Variants in NFKBIE observed in about 807,000 individuals in gnomAD.
The protein encoded by NFKBIE is NFKB inhibitor epsilon, also known as NF-kappa-B inhibitor epsilon.
In NFKBIE, 11 loss-of-function variants were observed where a neutral mutation model predicts 31.6. That is an observed-to-expected ratio of 0.35 (90% CI 0.22 to 0.58). NFKBIE has a LOEUF of 0.58. Among genes scored for constraint, NFKBIE ranks in the 20% least tolerant of loss-of-function variants. The pLI is 0.83. For missense variants in NFKBIE, 354 were observed against 465.7 expected (o/e 0.76, Z 2.21); for synonymous variants, 208 against 210.1 (o/e 0.99, Z 0.09).
Position 44,265,351 on chromosome 6 carries a change from G to C in NFKBIE, c.-5C>G. The stretch of plus-strand genomic sequence containing the variant: ...CCCCTTCCGCGCCTCCGACATGCCC[G>C]CGGCTCTGGCCGGCCGGGGCCCGGT... On this transcript the variant is annotated 5_prime_UTR_variant, in exon 1 of 6. Coordinates refer to ENST00000619360, the MANE Select transcript of NFKBIE (RefSeq NM_004556.3). 6.4e-7 allele frequency: 1 copy of C among 1,557,902 alleles called. No individual in the cohort carries two copies. The highest frequency in any genetic ancestry group is 8.6e-7 in the Non-Finnish European group (1 of 1,157,614).
At chr6:44,259,993 C>T (rs756732921) in intron 5 of NFKBIE, 50 bp downstream of exon 5, 8 of 1,585,288 alleles carry the variant, frequency 5.0e-6, no homozygotes, top group Non-Finnish European at 6.9e-6. Context: ...CAGAACCTCT[C>T]TCTGCTATGG....
chr6:44,259,966 G>A, intron 5 of NFKBIE, 77 bp downstream of exon 5: 2 of 1,552,828 alleles, frequency 1.3e-6, no homozygotes, highest in South Asian at 1.2e-5. Flanking sequence ...TGGCTCCCTG[G>A]CCCTTTCAGC....
chr6:44,265,337 C>T lies in NFKBIE; in HGVS notation c.10G>A (p.Ala4Thr), dbSNP rs1167696526. ...TCCGCCTCGTCCGGCCCCTTCCGCG[C>T]CTCCGACATGCCCGCGGCTCTGGCC... MSE[A>T]RKGPDEAEES... Residue 4 changes from alanine (A) to threonine (T), a missense_variant, in exon 1 of 6, where the codon GCG becomes ACG. Ala to Thr is a moderately conservative substitution (Grantham distance 58). Transcript: ENST00000619360. 2 of 1,555,248 alleles carry T rather than the reference C, an allele frequency of 1.3e-6. No individual in the cohort carries two copies. Among genetic ancestry groups the T allele is most frequent in the Non-Finnish European group, 1.7e-6 (2 of 1,155,472 alleles).
At chr6:44,262,760 C>G (rs371689753) in intron 1 of NFKBIE, 98 bp from the exon 2 acceptor site, 5 of 884,470 alleles carry the variant, frequency 5.7e-6, no homozygotes, top group African/African-American at 1.7e-5. Flanking sequence ...CTTTAACTAG[C>G]TACCCATAGG....
In NFKBIE at chr6:44,265,451, C is replaced by G. The variant is rs749015957; in HGVS notation, c.-105G>C. Reference sequence around the variant, plus strand: ...GGGTCCGCTTGGCAGAGCGGGCGCCCGGCCCGCGGCGGCCTCCTTCCCGGG... The same window carrying G: ...GGGTCCGCTTGGCAGAGCGGGCGCCGGGCCCGCGGCGGCCTCCTTCCCGGG... On this transcript the variant is annotated 5_prime_UTR_variant, in exon 1 of 6. Coordinates refer to ENST00000619360, the MANE Select transcript of NFKBIE (RefSeq NM_004556.3). The G allele has an allele frequency of 6.6e-7, 1 of 1,506,602 alleles. No homozygotes were observed. The highest frequency in any genetic ancestry group is 8.8e-7 in the Non-Finnish European group (1 of 1,134,988). The allele number at this position is 1,506,602 out of a possible 1,614,324, so 93.3% of individuals were successfully genotyped here. A position where few individuals can be genotyped will look rare whatever the true frequency, so the allele number is the denominator to read the frequency against.
rs1782086723 is a variant in NFKBIE, at chr6:44,265,362, C to G, written c.-16G>C. On this transcript the variant is annotated 5_prime_UTR_variant, in exon 1 of 6. Transcript: ENST00000619360. The stretch of plus-strand genomic sequence containing the variant: ...CCTCCGACATGCCCGCGGCTCTGGC[C>G]GGCCGGGGCCCGGTCTGAGCAGGAT... The G allele has an allele frequency of 6.4e-7, 1 of 1,559,852 alleles. No homozygotes were observed. Among genetic ancestry groups the G allele is most frequent in the Non-Finnish European group, 8.6e-7 (1 of 1,159,042 alleles).
At position 44,259,161 on chromosome 6, in the gene NFKBIE, T is replaced by C; in HGVS notation, c.*58A>G. The C allele has an allele frequency of 2.5e-6, 4 of 1,583,586 alleles. No individual in the cohort carries two copies. Among genetic ancestry groups the C allele is most frequent in the Non-Finnish European group, 2.6e-6 (3 of 1,153,828 alleles). On this transcript the variant is annotated 3_prime_UTR_variant, in exon 6 of 6. Transcript: ENST00000619360. ...GCCTGGGCCCAAACTGCAGCAGTTA[T>C]GGCTCCGGCTTCCAGATGGAGAGGT...
At position 44,261,149 on chromosome 6, in the gene NFKBIE, A is replaced by G. The variant is rs1781904725; in HGVS notation, c.691+477T>C. On this transcript the variant is annotated intron_variant, in intron 3 of 5. Coordinates refer to ENST00000619360, the MANE Select transcript of NFKBIE (RefSeq NM_004556.3). The surrounding 1 kb of genome is among the most constrained non-coding windows in gnomAD (Gnocchi z 4.3). The stretch of plus-strand genomic sequence containing the variant: ...TCCCGGACCACCCTATTTAACAATC[A>G]TATCAACTCTCCTACTCCCCACATT... Among the ~76,000 whole-genome samples, 1 of 152,124 alleles carries G rather than the reference A, an allele frequency of 6.6e-6. No homozygotes were observed. Among genetic ancestry groups the G allele is most frequent in the African/African-American group, 2.4e-5 (1 of 41,422 alleles).
rs564651857 is a variant in NFKBIE, at chr6:44,262,814, G to A, written c.366-152C>T. On this transcript the variant is annotated intron_variant, in intron 1 of 5. Transcript: ENST00000619360. The stretch of plus-strand genomic sequence containing the variant: ...AGTGTGGGCCAGGAAGTGAGGGTTG[G>A]TGTGGGAAGCCAGGATCCTAGGGTT... 237 of 619,762 alleles carry A rather than the reference G, an allele frequency of 3.8e-4. 4 individuals are homozygous for A. The South Asian group carries it at 4.2e-3, about 11-fold the overall frequency. The allele number at this position is 619,762 out of a possible 1,614,324, so 38.4% of individuals were successfully genotyped here. A position where few individuals can be genotyped will look rare whatever the true frequency, so the allele number is the denominator to read the frequency against.
intron 5 of NFKBIE, among the ~76,000 whole-genome samples, 189 bp from the exon 6 acceptor site, chr6:44,259,473 T>A (rs1781812196): frequency 6.6e-6 from 1 of 152,060 alleles, no homozygotes. Flanking sequence ...CCCTGAGGAC[T>A]TAGACAAGCC....
chr6:44,261,983 A>G lies in NFKBIE; in HGVS notation c.469-135T>C. 1.3e-6 allele frequency: 1 copy of G among 794,798 alleles called. No individual in the cohort carries two copies. Among genetic ancestry groups the G allele is most frequent in the Admixed American group, 2.4e-5 (1 of 41,330 alleles). 49.2% of individuals were successfully genotyped at this position (794,798 alleles called of 1,614,324 possible). A position where few individuals can be genotyped will look rare whatever the true frequency, so the allele number is the denominator to read the frequency against. On this transcript the variant is annotated intron_variant, in intron 2 of 5. Transcript: ENST00000619360. This position sits in a 1 kb window ranked among gnomAD's most constrained non-coding sequence, Gnocchi z 4.3. ...TATAAAGGCCATAACCTGTTCTTCC[A>G]AGGAAATACTACCGAGCCCTTCCCC...
chr6:44,260,301 G>A lies in NFKBIE; in HGVS notation c.781-19C>T. 1 of 1,606,560 alleles carries A rather than the reference G, an allele frequency of 6.2e-7. No individual in the cohort carries two copies. Among genetic ancestry groups the A allele is most frequent in the Non-Finnish European group, 8.5e-7 (1 of 1,173,964 alleles). ...TGCCCTCCTGGGGAGGAATAAGGAT[G>A]TCAGCCAAGGCCCTCAGAGGCAGTG... On this transcript the variant is annotated intron_variant, in intron 4 of 5. Coordinates refer to ENST00000619360, the MANE Select transcript of NFKBIE (RefSeq NM_004556.3). The surrounding 1 kb of genome is among the most constrained non-coding windows in gnomAD (Gnocchi z 5.5).
In NFKBIE at chr6:44,263,568, C is replaced by T. The variant is rs752184714; in HGVS notation, c.366-906G>A. Among the ~76,000 whole-genome samples the T allele has an allele frequency of 5.9e-5, 9 of 152,002 alleles. No individual in the cohort carries two copies. The highest frequency in any genetic ancestry group is 5.8e-4 in the East Asian group (3 of 5,176). On this transcript the variant is annotated intron_variant, in intron 1 of 5. Coordinates refer to ENST00000619360, the MANE Select transcript of NFKBIE (RefSeq NM_004556.3). The surrounding 1 kb of genome is among the most constrained non-coding windows in gnomAD (Gnocchi z 5.0). ...CAGCAGGAGAGGCCCAGGAGAGTGA[C>T]GGAGGGAGGGAGGAACTGCTCTGGA...
chr6:44,259,587 G>A (rs892687782), intron 5 of NFKBIE, among the ~76,000 whole-genome samples: 1 of 151,830 alleles, frequency 6.6e-6, no homozygotes, highest in Admixed American at 6.6e-5. Context: ...GGGATGGGGT[G>A]GGGGGGCTGC....
At position 44,260,938 on chromosome 6, in the gene NFKBIE, C is replaced by A. The variant is rs1033884475; in HGVS notation, c.692-399G>T. Reference sequence around the variant, plus strand: ...GAAAGCCACCTTTTCTGAAAAGCCACCTAAGATCCTCATGCCCCCAGCCCT... The same window carrying A: ...GAAAGCCACCTTTTCTGAAAAGCCAACTAAGATCCTCATGCCCCCAGCCCT... On this transcript the variant is annotated intron_variant, in intron 3 of 5. Coordinates refer to ENST00000619360, the MANE Select transcript of NFKBIE (RefSeq NM_004556.3). This position sits in a 1 kb window ranked among gnomAD's most constrained non-coding sequence, Gnocchi z 5.5. Among the ~76,000 whole-genome samples, 1 of 151,442 alleles carries A rather than the reference C, an allele frequency of 6.6e-6. No individual in the cohort carries two copies. Among genetic ancestry groups the A allele is most frequent in the African/African-American group, 2.4e-5 (1 of 41,232 alleles).
rs28362189 is a variant in NFKBIE at position 44,261,058 on chromosome 6, G to A, written c.692-519C>T. On this transcript the variant is annotated intron_variant, in intron 3 of 5. Coordinates refer to ENST00000619360, the MANE Select transcript of NFKBIE (RefSeq NM_004556.3). The surrounding 1 kb of genome is among the most constrained non-coding windows in gnomAD (Gnocchi z 4.3). ...ACCCTTGCTTAGTAATAGAGATTTC[G>A]ATTCAAATTTACATTCTTCACCTTC... is the stretch of plus-strand genomic sequence containing the variant. Among the ~76,000 whole-genome samples, 2 of 152,018 alleles carry A rather than the reference G, an allele frequency of 1.3e-5. No homozygotes were observed. The highest frequency in any genetic ancestry group is 2.9e-5 in the Non-Finnish European group (2 of 67,996).
At chr6:44,259,326 G>A (rs1356976500) in intron 5 of NFKBIE, 42 bp from the exon 6 acceptor site, 5 of 1,528,972 alleles carry the variant, frequency 3.3e-6, no homozygotes, top group Non-Finnish European at 4.5e-6. Context: ...GAGGACATGG[G>A]AAAAGGTGAC....
rs28362857 is a variant in NFKBIE at position 44,265,479 on chromosome 6, G to C, written c.-133C>G. On this transcript the variant is annotated 5_prime_UTR_variant, in exon 1 of 6. Transcript: ENST00000619360. ...CCCGCGGCGGCCTCCTTCCCGGGCT[G>C]TGGGGCTCCGAGGGGCCGGCGCGCA... 59,322 of 1,527,418 alleles carry C rather than the reference G, an allele frequency of 0.039. 1,345 individuals carry two copies. The highest frequency in any genetic ancestry group is 0.051 in the Middle Eastern group (238 of 4,688). The allele number at this position is 1,527,418 out of a possible 1,614,324, so 94.6% of individuals were successfully genotyped here.
chr6:44,259,320 A>G, intron 5 of NFKBIE, 36 bp from the exon 6 acceptor site: 1 of 1,551,936 alleles, frequency 6.4e-7, no homozygotes, highest in Non-Finnish European at 8.9e-7. Flanking sequence ...AGATCAGAGG[A>G]CATGGGAAAA....
Sources: allele counts gnomAD v4.1 joint callset (sites outside exome capture counted in the v4.1 genomes callset), GRCh38; gene constraint gnomAD v4.1.1; non-coding constraint Gnocchi (gnomAD v3.1); transcripts MANE v1.5; gene names NCBI Gene and HGNC (gene_info 2026-07-23, HGNC 2026-07-21).